The following PLXNA2 variants were observed in gnomAD, a reference collection of about 807,000 sequenced individuals.
PLXNA2 encodes plexin-A2.
A neutral mutation model predicts 193.5 loss-of-function variants in PLXNA2; 91 were observed. The observed-to-expected ratio is 0.47, with a 90% CI of 0.40 to 0.56. The LOEUF (loss-of-function observed/expected upper bound fraction) is 0.56. Ranked by LOEUF, PLXNA2 falls within the 20% of genes least tolerant of loss-of-function variation. The pLI, the probability that PLXNA2 is intolerant of heterozygous loss-of-function variation, is 0.00. For missense variants in PLXNA2, 1,995 were observed against 2,503.2 expected, an observed-to-expected ratio of 0.80 and a Z score of 4.33; for synonymous variants, 997 against 1,027.3, an observed-to-expected ratio of 0.97 and a Z score of 0.56.
At chr1:208,032,604 C>T (rs948574302) in intron 28 of PLXNA2, among the ~76,000 whole-genome samples, 4 of 152,136 alleles carry the variant, frequency 2.6e-5, no homozygotes, top group Non-Finnish European at 2.9e-5. Context: ...TCTAGCCCTG[C>T]GTGGAAAACA....
rs1026639062 is a variant in PLXNA2 at position 208,111,393 on chromosome 1, AC to A, written c.1507-8147del. Among the ~76,000 whole-genome samples the A allele has an allele frequency of 2.8e-4, 43 of 152,146 alleles. 1 individual carries two copies. Among genetic ancestry groups the A allele is most frequent in the African/African-American group, 9.6e-4 (40 of 41,482 alleles). On this transcript the variant is annotated intron_variant, in intron 4 of 31. Transcript: ENST00000367033. ...GACTTCTGTTTTTAAGCTTACTAGG[AC>A]CAGAACGATAATGGAAGAGGCTGTG...
intron 3 of PLXNA2, among the ~76,000 whole-genome samples, chr1:208,146,808 G>C (rs746137064): frequency 6.6e-6 from 1 of 152,178 alleles, no homozygotes; most frequent in Non-Finnish European, 1.5e-5. Context: ...ACTGGAGATG[G>C]GGCAAAGGAG....
At chr1:208,095,045 T>C (rs1666835891) in intron 8 of PLXNA2, among the ~76,000 whole-genome samples, 1 of 152,180 alleles carries the variant, frequency 6.6e-6, no homozygotes, top group Middle Eastern at 3.2e-3. Context: ...GTTCCTGCCT[T>C]GGACAATGGG....
Position 208,060,856 on chromosome 1 carries a change from A to G in PLXNA2, c.2587-19T>C, listed in dbSNP as rs987994939. 3.6e-5 allele frequency: 58 copies of G among 1,612,510 alleles called. No individual in the cohort carries two copies. The highest frequency in any genetic ancestry group is 4.8e-5 in the Non-Finnish European group (57 of 1,179,242). ...TCAAAATCTGCAGGAGGGAAATGGG[A>G]TTAGCAATTTGGTTTGGTCACAGGA... On this transcript the variant is annotated intron_variant, in intron 12 of 31. Transcript: ENST00000367033.
At position 208,033,365 on chromosome 1, in the gene PLXNA2, C is replaced by T; in HGVS notation, c.5009G>A (p.Ser1670Asn). The part of the protein sequence containing the change: ...HGDQKEGDRG[S>N]KMVSEIYLTR... ...CAGGTAGATCTCGGACACCATCTTG[C>T]TGCCCCGGTCACCCTCCTTCTGGTC... The change falls in exon 28 of 32, where the codon AGC becomes AAC. Residue 1670 changes from serine (S) to asparagine (N), a missense_variant. Transcript: ENST00000367033. 1 of 1,611,480 alleles carries T rather than the reference C, an allele frequency of 6.2e-7. No homozygotes were observed. The highest frequency in any genetic ancestry group is 8.5e-7 in the Non-Finnish European group (1 of 1,179,164).
chr1:208,214,276 G>T (rs1572039967), intron 2 of PLXNA2, among the ~76,000 whole-genome samples: 1 of 152,212 alleles, frequency 6.6e-6, no homozygotes, highest in East Asian at 1.9e-4. Flanking sequence ...TCCAGGTATT[G>T]TGCTAAGCAC....
intron 31 of PLXNA2, 50 bp downstream of exon 31, chr1:208,027,959 T>C: frequency 6.7e-7 from 1 of 1,497,702 alleles, no homozygotes; most frequent in Non-Finnish European, 9.0e-7. Context: ...TGAGTCAGGC[T>C]TCCTGCTCCT....
intron 3 of PLXNA2, among the ~76,000 whole-genome samples, chr1:208,164,364 G>A (rs1020991336): frequency 6.6e-6 from 1 of 152,192 alleles, no homozygotes; most frequent in African/African-American, 2.4e-5. Context: ...CCCTGTTCAG[G>A]ACTCTGCAGT....
chr1:208,169,624 G>C (rs182457364), intron 3 of PLXNA2, among the ~76,000 whole-genome samples: 2 of 152,046 alleles, frequency 1.3e-5, no homozygotes, highest in Non-Finnish European at 2.9e-5. Context: ...GTCACACTGG[G>C]GTCCACAGGG....
At chr1:208,163,309 A>C (rs1264990902) in intron 3 of PLXNA2, among the ~76,000 whole-genome samples, 1 of 152,216 alleles carries the variant, frequency 6.6e-6, no homozygotes, top group Non-Finnish European at 1.5e-5. Context: ...AAAATGTGAA[A>C]GCTAACTTAG....
In PLXNA2 at chr1:208,044,626, G is replaced by A. The variant is rs150915206; in HGVS notation, c.3756C>T (p.Ile1252=). The part of the protein sequence containing the change: ...IAAGGSLLLI[I]VIIVLIAYKR... The stretch of plus-strand genomic sequence containing the variant: ...TGTAGGCAATGAGGACGATGATGAC[G>A]ATGATGAGGAGGAGGCTGCCGCCGG... Residue 1252 remains isoleucine (I), a synonymous_variant, in exon 20 of 32, where the codon ATC becomes ATT. Coordinates refer to ENST00000367033, the MANE Select transcript of PLXNA2 (RefSeq NM_025179.4). The surrounding 1 kb of genome is among the most constrained non-coding windows in gnomAD (Gnocchi z 4.9). 439 of 1,614,120 alleles carry A rather than the reference G, an allele frequency of 2.7e-4. No individual in the cohort carries two copies. The highest frequency in any genetic ancestry group is 5.9e-4 in the African/African-American group (44 of 75,046).
At chr1:208,030,524 G>A (rs1459319462) in intron 29 of PLXNA2, 1 of 985,442 alleles carries the variant, frequency 1.0e-6, no homozygotes, top group Non-Finnish European at 1.2e-6. Flanking sequence ...GGCCACCCCA[G>A]CCTGTTCGTT....
chr1:208,225,676 C>G, intron 1 of PLXNA2, among the ~76,000 whole-genome samples: 1 of 152,088 alleles, frequency 6.6e-6, no homozygotes. Flanking sequence ...GGCTCTAATG[C>G]GGTGTGATCT....
chr1:208,123,506 A>T (rs1667868975), intron 4 of PLXNA2, among the ~76,000 whole-genome samples: 1 of 152,184 alleles, frequency 6.6e-6, no homozygotes, highest in Non-Finnish European at 1.5e-5. Flanking sequence ...CTCATGAAAA[A>T]AAGAAAATGA....
intron 12 of PLXNA2, among the ~76,000 whole-genome samples, chr1:208,071,831 T>A (rs1401830679): frequency 6.6e-6 from 1 of 152,214 alleles, no homozygotes; most frequent in Non-Finnish European, 1.5e-5. Flanking sequence ...GCTGACTTAT[T>A]TATTTATTTG....
chr1:208,212,240 G>C (rs1235704157), intron 2 of PLXNA2, among the ~76,000 whole-genome samples: 1 of 152,140 alleles, frequency 6.6e-6, no homozygotes, highest in Non-Finnish European at 1.5e-5. Context: ...CATTTCTTTG[G>C]AATAATTGGT....
At chr1:208,110,106 T>A (rs1667415964) in intron 4 of PLXNA2, among the ~76,000 whole-genome samples, 1 of 152,206 alleles carries the variant, frequency 6.6e-6, no homozygotes, top group African/African-American at 2.4e-5. Context: ...TGTGGGCCAA[T>A]GTTTGGGGAG....
intron 4 of PLXNA2, among the ~76,000 whole-genome samples, chr1:208,124,438 G>C (rs1350552088): frequency 6.6e-6 from 1 of 151,620 alleles, no homozygotes; most frequent in Non-Finnish European, 1.5e-5. Context: ...CAGCACTTTG[G>C]GAAGCCGAAG....
At chr1:208,198,830 A>C (rs947669899) in intron 3 of PLXNA2, among the ~76,000 whole-genome samples, 1 of 152,248 alleles carries the variant, frequency 6.6e-6, no homozygotes, top group African/African-American at 2.4e-5. Context: ...GTCTGGAGTC[A>C]GAGAGCTCTG....
Sources: allele counts gnomAD v4.1 joint callset (sites outside exome capture counted in the v4.1 genomes callset), GRCh38; gene constraint gnomAD v4.1.1; non-coding constraint Gnocchi (gnomAD v3.1); transcripts MANE v1.5; gene names NCBI Gene and HGNC (gene_info 2026-07-23, HGNC 2026-07-21).